Variants in SMNDC1 observed in about 807,000 individuals in gnomAD.
SMNDC1 encodes the protein survival motor neuron domain containing 1.
In SMNDC1, 5 loss-of-function variants were observed where a neutral mutation model predicts 29.2. The observed-to-expected ratio is 0.17, with a 90% CI of 0.09 to 0.36. SMNDC1 has a LOEUF of 0.36. Ranked by LOEUF, SMNDC1 falls within the 10% of genes least tolerant of loss-of-function variation. The pLI is 1.00. For missense variants in SMNDC1, 142 were observed against 268.5 expected (o/e 0.53, Z 3.29); for synonymous variants, 80 against 89.9 (o/e 0.89, Z 0.62).
At chr10:110,295,797 A>G (rs923340478) in intron 4 of SMNDC1, among the ~76,000 whole-genome samples, 1 of 152,186 alleles carries the variant, frequency 6.6e-6, no homozygotes, top group African/African-American at 2.4e-5. Context: ...ACATGCCACC[A>G]TGCCCAGCTA....
At chr10:110,294,684 A>G (rs1345797191) in intron 5 of SMNDC1, among the ~76,000 whole-genome samples, 3 of 152,202 alleles carry the variant, frequency 2.0e-5, no homozygotes, top group African/African-American at 4.8e-5. Flanking sequence ...CACAAAATAA[A>G]CATCTTTATG....
In SMNDC1 at chr10:110,291,652, G is replaced by C. The variant is rs1280563412; in HGVS notation, c.*2498C>G. 1 of 152,136 alleles carries C rather than the reference G, an allele frequency of 6.6e-6. No homozygotes were observed. The highest frequency in any genetic ancestry group is 2.4e-5 in the African/African-American group (1 of 41,418). The allele number at this position is 152,136 out of a possible 1,614,324, so 9.4% of individuals were successfully genotyped here. A position where few individuals can be genotyped will look rare whatever the true frequency, so the allele number is the denominator to read the frequency against. ...TTTCCATTCTACAGCTGAGAAAAAT[G>C]AATCAGAGGAATACACAGGTAATAA... On this transcript the variant is annotated 3_prime_UTR_variant, in exon 6 of 6. Transcript: ENST00000369603.
chr10:110,298,590 C>T (rs1478967666), intron 3 of SMNDC1, 58 bp downstream of exon 3: 5 of 1,437,152 alleles, frequency 3.5e-6, no homozygotes, highest in Non-Finnish European at 4.8e-6. Context: ...ATAAAAACTT[C>T]TTACCATTGT....
In SMNDC1 at chr10:110,292,373, A is replaced by G. The variant is rs1409247853; in HGVS notation, c.*1777T>C. ...AAGGCCCCCCAGGGTCAAAAGAGGG[A>G]CAAGACTGTTAACAGTCCTGCCTAC... On this transcript the variant is annotated 3_prime_UTR_variant, in exon 6 of 6. Coordinates refer to ENST00000369603, the MANE Select transcript of SMNDC1 (RefSeq NM_005871.4). 8 of 152,072 alleles carry G rather than the reference A, an allele frequency of 5.3e-5. No homozygotes were observed. The allele number at this position is 152,072 out of a possible 1,614,324, so 9.4% of individuals were successfully genotyped here. A position where few individuals can be genotyped will look rare whatever the true frequency, so the allele number is the denominator to read the frequency against.
At position 110,291,812 on chromosome 10, in the gene SMNDC1, A is replaced by AAACTC. The variant is rs1173739952; in HGVS notation, c.*2333_*2337dup. The AAACTC allele has an allele frequency of 3.3e-5, 5 of 152,214 alleles. No homozygotes were observed. The highest frequency in any genetic ancestry group is 1.2e-4 in the African/African-American group (5 of 41,446). The allele number at this position is 152,214 out of a possible 1,614,324, so 9.4% of individuals were successfully genotyped here. On this transcript the variant is annotated 3_prime_UTR_variant, in exon 6 of 6. Coordinates refer to ENST00000369603, the MANE Select transcript of SMNDC1 (RefSeq NM_005871.4). ...CACTTGTTACCTGTGATTACCACTA[A>AAACTC]AACTCAACATTTTATTTTCGGGAGG...
At chr10:110,297,057 G>A (rs1857573077) in intron 4 of SMNDC1, among the ~76,000 whole-genome samples, 2 of 152,144 alleles carry the variant, frequency 1.3e-5, no homozygotes, top group African/African-American at 4.8e-5. Flanking sequence ...ATACCGCCTT[G>A]TAGCTTTGTA....
chr10:110,294,151 T>C lies in SMNDC1; in HGVS notation c.716A>G (p.Ter239=). The part of the protein sequence containing the change: ...KYNVRHLMPQ[*] ...GATGAAATCCAACAGTTTTTCTGAT[T>C]ATTGAGGCATCAAATGCCTGACATT... is the stretch of plus-strand genomic sequence containing the variant. The change falls in exon 6 of 6, where the codon TAA becomes TGA. Residue 239 remains the stop codon, a stop_retained_variant. Transcript: ENST00000369603. 2 of 1,581,280 alleles carry C rather than the reference T, an allele frequency of 1.3e-6. No homozygotes were observed. Among genetic ancestry groups the C allele is most frequent in the Non-Finnish European group, 1.7e-6 (2 of 1,168,194 alleles).
intron 5 of SMNDC1, among the ~76,000 whole-genome samples, chr10:110,294,674 CACAAAATAAA>C (rs1266816180): frequency 3.3e-5 from 5 of 152,150 alleles, no homozygotes; most frequent in Non-Finnish European, 7.3e-5. Context: ...TGGCCTTTGT[CACAAAATAAA>C]CATCTTTATG....
chr10:110,300,136 A>T (rs1857623924), intron 2 of SMNDC1, among the ~76,000 whole-genome samples: 1 of 152,184 alleles, frequency 6.6e-6, no homozygotes, highest in Admixed American at 6.5e-5. Flanking sequence ...AGCCTGACTC[A>T]AGAGCCCACA....
At chr10:110,294,399 A>C (rs1220880276) in intron 5 of SMNDC1, 112 bp from the exon 6 acceptor site, 9 of 887,922 alleles carry the variant, frequency 1.0e-5, no homozygotes, top group African/African-American at 8.8e-5. Flanking sequence ...AAAGAAGAAA[A>C]ACATATTGCC....
intron 4 of SMNDC1, among the ~76,000 whole-genome samples, chr10:110,295,828 G>C (rs1260942596): frequency 6.6e-6 from 1 of 152,176 alleles, no homozygotes; most frequent in Non-Finnish European, 1.5e-5. Flanking sequence ...TTTTAGTAGA[G>C]ATAGGGTTTC....
In SMNDC1 at chr10:110,292,246, A is replaced by G. The variant is rs1255418052; in HGVS notation, c.*1904T>C. ...GGCCACATCTAGATCTTTGACACAA[A>G]GGTTGCTGATTTCATTCTAAAGGTC... On this transcript the variant is annotated 3_prime_UTR_variant, in exon 6 of 6. Coordinates refer to ENST00000369603, the MANE Select transcript of SMNDC1 (RefSeq NM_005871.4). The G allele has an allele frequency of 6.6e-6, 1 of 151,644 alleles. No homozygotes were observed. The highest frequency in any genetic ancestry group is 2.4e-5 in the African/African-American group (1 of 41,196). The allele number at this position is 151,644 out of a possible 1,614,324, so 9.4% of individuals were successfully genotyped here.
chr10:110,298,865 T>G, intron 2 of SMNDC1, 75 bp from the exon 3 acceptor site: 3 of 1,157,072 alleles, frequency 2.6e-6, no homozygotes, highest in Non-Finnish European at 3.7e-6. Context: ...ATGACAGCCT[T>G]CATACTGTAC....
intron 4 of SMNDC1, among the ~76,000 whole-genome samples, chr10:110,296,564 G>C (rs1857565203): frequency 6.6e-6 from 1 of 152,092 alleles, no homozygotes; most frequent in Admixed American, 6.5e-5. Flanking sequence ...TGTTAATTCT[G>C]CCTCTTACTT....
Position 110,294,129 on chromosome 10 carries a change from G to T in SMNDC1, c.*21C>A, listed in dbSNP as rs1857534670. On this transcript the variant is annotated 3_prime_UTR_variant, in exon 6 of 6. Transcript: ENST00000369603. The stretch of plus-strand genomic sequence containing the variant: ...GGTAAATGTAAAGCCCTGCAGAGAT[G>T]AAATCCAACAGTTTTTCTGATTATT... 6.4e-7 allele frequency: 1 copy of T among 1,553,912 alleles called. No individual in the cohort carries two copies. The highest frequency in any genetic ancestry group is 8.7e-7 in the Non-Finnish European group (1 of 1,155,504).
At chr10:110,299,385 A>T (rs1445894938) in intron 2 of SMNDC1, among the ~76,000 whole-genome samples, 1 of 152,240 alleles carries the variant, frequency 6.6e-6, no homozygotes, top group Non-Finnish European at 1.5e-5. Flanking sequence ...TTAGATTTTA[A>T]ATGTTCCATA....
chr10:110,296,316 A>G (rs912004581), intron 4 of SMNDC1, among the ~76,000 whole-genome samples: 4 of 152,222 alleles, frequency 2.6e-5, no homozygotes, highest in Admixed American at 6.5e-5. Context: ...AAGAGGGGCA[A>G]TATCTAGACT....
chr10:110,303,559 G>C lies in SMNDC1; in HGVS notation c.29C>G (p.Ala10Gly), dbSNP rs1857690126. The C allele has an allele frequency of 6.3e-7, 1 of 1,582,916 alleles. No individual in the cohort carries two copies. The highest frequency in any genetic ancestry group is 1.4e-5 in the African/African-American group (1 of 72,404). The part of the protein sequence containing the change: MSEDLAKQL[A>G]SYKAQLQQVE... ...TTGCTGGAGCTGAGCTTTGTAGCTT[G>C]CCAGCTGCTTTGCTAAATCCTCTGA... The change falls in exon 2 of 6, where the codon GCA becomes GGA. Residue 10 changes from alanine (A) to glycine (G), a missense_variant. Physicochemically the swap from Ala to Gly is moderately conservative, Grantham distance 60 (BLOSUM62 0). This residue lies in a region of SMNDC1 where 20 missense variants were observed against 21.4 expected (regional missense o/e 0.93). Transcript: ENST00000369603.
rs754723514 is a variant in SMNDC1, at chr10:110,297,775, T to G, written c.264-47A>C. 1.1e-5 allele frequency: 17 copies of G among 1,557,412 alleles called. No individual in the cohort carries two copies. In the South Asian group the frequency reaches 2.0e-4, roughly 18 times the overall value. On this transcript the variant is annotated intron_variant, in intron 3 of 5. Coordinates refer to ENST00000369603, the MANE Select transcript of SMNDC1 (RefSeq NM_005871.4). ...AAGCAGGTGAGTAAAGGTTTAGTAC[T>G]CAGCCTACAAGACTTATACTGTAGT...
Sources: gnomAD v4.1 joint callset for allele counts (sites outside exome capture counted in the v4.1 genomes callset) on GRCh38, gnomAD v4.1.1 for gene constraint, gnomAD v4.1.1 regional missense constraint, MANE v1.5 for transcripts, NCBI Gene and HGNC (gene_info 2026-07-23, HGNC 2026-07-21) for gene names.